The following RFX3 variants were observed in gnomAD, a reference collection of about 807,000 sequenced individuals.
RFX3 encodes regulatory factor X3.
Under a neutral mutation model 98.6 loss-of-function variants are expected in RFX3, and 14 were observed. The ratio of observed to expected loss-of-function variants is 0.14; its 90% CI spans 0.09 to 0.22. The LOEUF is 0.22. RFX3 is among the 10% of genes least tolerant of loss of function. The pLI is 1.00. For missense variants in RFX3, 639 were observed against 926.9 expected (o/e 0.69, Z 4.03); for synonymous variants, 383 against 328.4 (o/e 1.17, Z -1.80).
intron 1 of RFX3, among the ~76,000 whole-genome samples, chr9:3,498,236 C>T (rs1250041351): frequency 6.6e-6 from 1 of 151,992 alleles, no homozygotes; most frequent in Non-Finnish European, 1.5e-5. Context: ...CTTTTACTGT[C>T]GCTGTAAAGG....
At chr9:3,372,444 T>G (rs1293801881) in intron 2 of RFX3, among the ~76,000 whole-genome samples, 2 of 152,190 alleles carry the variant, frequency 1.3e-5, no homozygotes, top group Non-Finnish European at 1.5e-5. Context: ...CTACTTGTAC[T>G]TAAATCTTTG....
chr9:3,444,768 G>A (rs1845894157), intron 1 of RFX3, among the ~76,000 whole-genome samples: 2 of 152,206 alleles, frequency 1.3e-5, no homozygotes, highest in African/African-American at 2.4e-5. Flanking sequence ...AGTACCCACA[G>A]AGGAGAAATT....
At chr9:3,397,491 CA>C (rs1841012974) in intron 1 of RFX3, among the ~76,000 whole-genome samples, 1 of 152,108 alleles carries the variant, frequency 6.6e-6, no homozygotes. Context: ...AATTTTCCCC[CA>C]AAACCTTCAA....
At chr9:3,420,274 G>T (rs575327487) in intron 1 of RFX3, among the ~76,000 whole-genome samples, 155 of 152,236 alleles carry the variant, frequency 1.0e-3, no homozygotes, top group African/African-American at 3.7e-3. Context: ...AGTACTAACA[G>T]GACATTCTAC....
chr9:3,496,189 C>A (rs763559406), intron 1 of RFX3, among the ~76,000 whole-genome samples: 1 of 151,858 alleles, frequency 6.6e-6, no homozygotes, highest in Non-Finnish European at 1.5e-5. Flanking sequence ...TTAATACGAG[C>A]CTCGTTGTAT....
chr9:3,515,918 G>A (rs948239841), intron 1 of RFX3, among the ~76,000 whole-genome samples: 1 of 152,018 alleles, frequency 6.6e-6, no homozygotes, highest in Non-Finnish European at 1.5e-5. Flanking sequence ...CCCCTATTAG[G>A]CTGGTAAAAG....
intron 4 of RFX3, among the ~76,000 whole-genome samples, chr9:3,319,621 CAT>C (rs1360845751): frequency 6.6e-6 from 1 of 152,060 alleles, no homozygotes; most frequent in Non-Finnish European, 1.5e-5. Flanking sequence ...CAATTGATAA[CAT>C]ATGAACATTT....
intron 1 of RFX3, among the ~76,000 whole-genome samples, chr9:3,456,755 A>T (rs1847188224): frequency 6.6e-6 from 1 of 152,176 alleles, no homozygotes; most frequent in African/African-American, 2.4e-5. Flanking sequence ...TGGGGAAAAA[A>T]AAGTCACATG....
Position 3,319,216 on chromosome 9 carries a change from G to A in RFX3, c.474+11043C>T, listed in dbSNP as rs79803846. ...GACCAGCATTTTCAGTATCCCCTGGGCACTTGTTGGAAATGCAAGGGGCCC... is the reference window on the plus strand; with the variant it reads ...GACCAGCATTTTCAGTATCCCCTGGACACTTGTTGGAAATGCAAGGGGCCC... On this transcript the variant is annotated intron_variant, in intron 4 of 16. Transcript: ENST00000617270. 3.0e-3 allele frequency among the ~76,000 whole-genome samples: 454 copies of A among 152,264 alleles called. 4 individuals carry two copies. The highest frequency in any genetic ancestry group is 0.01 in the African/African-American group (420 of 41,542).
In RFX3 at chr9:3,218,383, C is replaced by T. The variant is rs1352802649; in HGVS notation, c.*6659G>A. On this transcript the variant is annotated 3_prime_UTR_variant, in exon 17 of 17. Coordinates refer to ENST00000617270, the MANE Select transcript of RFX3 (RefSeq NM_001282116.2). Reference sequence around the variant, plus strand: ...AAACACAAGAAAGCTAGCCTGAGTTCAAGTCTGAAATATTCAGAAAAATCC... The same window carrying T: ...AAACACAAGAAAGCTAGCCTGAGTTTAAGTCTGAAATATTCAGAAAAATCC... The T allele has an allele frequency of 2.0e-5, 3 of 152,112 alleles. No individual in the cohort carries two copies. Among genetic ancestry groups the T allele is most frequent in the East Asian group, 1.9e-4 (1 of 5,202 alleles). 9.4% of individuals were successfully genotyped at this position (152,112 alleles called of 1,614,324 possible).
intron 2 of RFX3, among the ~76,000 whole-genome samples, chr9:3,382,037 C>T (rs1839244441): frequency 6.6e-6 from 1 of 152,098 alleles, no homozygotes; most frequent in Non-Finnish European, 1.5e-5. Context: ...GAAAAACAGA[C>T]TCCACTCTAT....
chr9:3,274,483 A>G lies in RFX3; in HGVS notation c.1086+1017T>C, dbSNP rs1028060156. Among the ~76,000 whole-genome samples, 3 of 152,172 alleles carry G rather than the reference A, an allele frequency of 2.0e-5. No homozygotes were observed. In the East Asian group the frequency reaches 5.8e-4, roughly 29 times the overall value. On this transcript the variant is annotated intron_variant, in intron 9 of 16. Transcript: ENST00000617270. ...CTTTTTGCCAGGTGAGCTGTGGTAC[A>G]TTAATGTGCTGGCATGCAGAGAGCT...
chr9:3,231,927 G>T (rs1563771062), intron 15 of RFX3, among the ~76,000 whole-genome samples: 1 of 152,232 alleles, frequency 6.6e-6, no homozygotes, highest in East Asian at 1.9e-4. Flanking sequence ...AGCTGGGCAT[G>T]GTGGCGGAGG....
chr9:3,483,104 T>A (rs900714039), intron 1 of RFX3, among the ~76,000 whole-genome samples: 1 of 152,188 alleles, frequency 6.6e-6, no homozygotes, highest in Non-Finnish European at 1.5e-5. Flanking sequence ...AAATCAATTA[T>A]TCCACTTGGA....
intron 4 of RFX3, among the ~76,000 whole-genome samples, chr9:3,304,830 G>A (rs1829088016): frequency 6.6e-6 from 1 of 151,964 alleles, no homozygotes; most frequent in Non-Finnish European, 1.5e-5. Flanking sequence ...AGCAGCATGA[G>A]AACGGACTAA....
chr9:3,400,717 T>A (rs765830489), intron 1 of RFX3, among the ~76,000 whole-genome samples: 5 of 152,258 alleles, frequency 3.3e-5, no homozygotes, highest in Non-Finnish European at 7.3e-5. Flanking sequence ...GAAAAGTTCA[T>A]AATTTGGCCT....
chr9:3,370,877 G>A (rs1438472493), intron 2 of RFX3, among the ~76,000 whole-genome samples: 1 of 152,072 alleles, frequency 6.6e-6, no homozygotes, highest in Non-Finnish European at 1.5e-5. Flanking sequence ...TCAGAAAACT[G>A]AACAGTAATG....
intron 2 of RFX3, among the ~76,000 whole-genome samples, chr9:3,393,165 T>A (rs1840492398): frequency 6.6e-6 from 1 of 152,006 alleles, no homozygotes; most frequent in Non-Finnish European, 1.5e-5. Context: ...TGCAGTAAAA[T>A]AAGTATACTA....
intron 3 of RFX3, among the ~76,000 whole-genome samples, chr9:3,332,063 T>A (rs55958129): frequency 0.056 from 8,599 of 152,316 alleles, 352 homozygotes; most frequent in Non-Finnish European, 0.081. Flanking sequence ...TCCCTCTGAC[T>A]GACATGAGTT....
Sources: allele counts gnomAD v4.1 joint callset (sites outside exome capture counted in the v4.1 genomes callset), GRCh38; gene constraint gnomAD v4.1.1; transcripts MANE v1.5; gene names NCBI Gene and HGNC (gene_info 2026-07-23, HGNC 2026-07-21).